Variants in HS3ST4 observed in about 807,000 individuals in gnomAD.
HS3ST4 encodes the protein heparan sulfate glucosamine 3-O-sulfotransferase 4.
In HS3ST4, 17 loss-of-function variants were observed where a neutral mutation model predicts 29.2. That is an observed-to-expected ratio of 0.58 (90% CI 0.40 to 0.87). The LOEUF is 0.87. HS3ST4 is among the 40% of genes least tolerant of loss of function. The pLI is 0.00. For missense variants in HS3ST4, 627 were observed against 634.5 expected, an observed-to-expected ratio of 0.99 and a Z score of 0.13; for synonymous variants, 314 against 285.7, an observed-to-expected ratio of 1.10 and a Z score of -1.00.
chr16:25,729,312 T>G (rs527511825), intron 1 of HS3ST4, among the ~76,000 whole-genome samples: 11 of 152,176 alleles, frequency 7.2e-5, no homozygotes, highest in Non-Finnish European at 1.3e-4. Context: ...TGTGGTTTCC[T>G]GCATTGGCCA....
At chr16:25,802,630 G>A (rs1360453386) in intron 1 of HS3ST4, among the ~76,000 whole-genome samples, 1 of 152,046 alleles carries the variant, frequency 6.6e-6, no homozygotes, top group Non-Finnish European at 1.5e-5. Context: ...TGAAATCACT[G>A]TAGAATTTTA....
chr16:25,718,300 C>T (rs749392199), intron 1 of HS3ST4, among the ~76,000 whole-genome samples: 51 of 152,280 alleles, frequency 3.3e-4, no homozygotes, highest in Non-Finnish European at 6.0e-4. Flanking sequence ...TTGATGCAGG[C>T]AGTGGCTTAG....
chr16:25,993,808 G>C (rs1293753584), intron 1 of HS3ST4, among the ~76,000 whole-genome samples: 2 of 152,052 alleles, frequency 1.3e-5, no homozygotes, highest in African/African-American at 4.8e-5. Flanking sequence ...AAACTAAGTG[G>C]CTTAAATAGG....
At chr16:25,770,362 C>T (rs1966840278) in intron 1 of HS3ST4, among the ~76,000 whole-genome samples, 1 of 152,188 alleles carries the variant, frequency 6.6e-6, no homozygotes, top group Non-Finnish European at 1.5e-5. Context: ...ATGCTGGGCT[C>T]AGTGCCTTAC....
intron 1 of HS3ST4, among the ~76,000 whole-genome samples, chr16:25,763,321 C>A (rs1001230083): frequency 1.3e-5 from 2 of 152,064 alleles, no homozygotes; most frequent in Non-Finnish European, 2.9e-5. Context: ...GGAAAACAGC[C>A]CAGGCAGAAG....
At chr16:26,030,788 T>C (rs1247326866) in intron 1 of HS3ST4, among the ~76,000 whole-genome samples, 2 of 152,350 alleles carry the variant, frequency 1.3e-5, no homozygotes, top group Admixed American at 1.3e-4. Context: ...TTGAAATTCA[T>C]CTCTTCTACA....
At chr16:25,737,044 T>C (rs1418360835) in intron 1 of HS3ST4, among the ~76,000 whole-genome samples, 1 of 152,082 alleles carries the variant, frequency 6.6e-6, no homozygotes, top group Non-Finnish European at 1.5e-5. Flanking sequence ...GATGGGTTTT[T>C]TTTTTAACTT....
intron 1 of HS3ST4, among the ~76,000 whole-genome samples, chr16:25,914,676 T>G (rs1424699104): frequency 6.6e-6 from 1 of 151,582 alleles, no homozygotes; most frequent in African/African-American, 2.4e-5. Flanking sequence ...CTTTGTGTGC[T>G]TCTGTGTGTG....
intron 1 of HS3ST4, among the ~76,000 whole-genome samples, chr16:25,909,814 A>G (rs1968218004): frequency 1.3e-5 from 2 of 152,226 alleles, no homozygotes; most frequent in Non-Finnish European, 2.9e-5. Flanking sequence ...GGGTCAGTAC[A>G]GGCTCAGATA....
At chr16:25,750,937 T>C (rs1966715024) in intron 1 of HS3ST4, among the ~76,000 whole-genome samples, 1 of 152,180 alleles carries the variant, frequency 6.6e-6, no homozygotes, top group Non-Finnish European at 1.5e-5. Context: ...TCATTTAGAT[T>C]GTTGTTATGT....
At chr16:25,706,491 C>T (rs769904416) in intron 1 of HS3ST4, among the ~76,000 whole-genome samples, 8 of 152,020 alleles carry the variant, frequency 5.3e-5, no homozygotes, top group Non-Finnish European at 7.4e-5. Context: ...GTTTTAAGCC[C>T]GGCATGCATT....
chr16:25,912,869 G>A (rs1968254589), intron 1 of HS3ST4, among the ~76,000 whole-genome samples: 1 of 152,188 alleles, frequency 6.6e-6, no homozygotes, highest in Non-Finnish European at 1.5e-5. Flanking sequence ...AATACATTGG[G>A]TATCTGCTAT....
At chr16:25,821,171 C>T (rs1967151365) in intron 1 of HS3ST4, among the ~76,000 whole-genome samples, 1 of 151,506 alleles carries the variant, frequency 6.6e-6, no homozygotes, top group Non-Finnish European at 1.5e-5. Flanking sequence ...CATTCTCCTG[C>T]CTCAGCCTCC....
At chr16:25,784,818 A>G (rs1450931867) in intron 1 of HS3ST4, among the ~76,000 whole-genome samples, 3 of 152,242 alleles carry the variant, frequency 2.0e-5, no homozygotes, top group African/African-American at 7.2e-5. Context: ...AGGTGGCTAC[A>G]CTAAACAACA....
intron 1 of HS3ST4, among the ~76,000 whole-genome samples, chr16:25,763,628 C>A (rs1966801973): frequency 6.6e-6 from 1 of 152,092 alleles, no homozygotes; most frequent in African/African-American, 2.4e-5. Context: ...AGGGGAGAGA[C>A]ATGGAATATT....
rs1456186735 is a variant in HS3ST4 at position 25,987,614 on chromosome 16, C to T, written c.735-147998C>T. Among the ~76,000 whole-genome samples, 4 of 152,290 alleles carry T rather than the reference C, an allele frequency of 2.6e-5. No homozygotes were observed. The East Asian group carries it at 7.7e-4, about 30-fold the overall frequency. On this transcript the variant is annotated intron_variant, in intron 1 of 1. Transcript: ENST00000331351. ...ACATGCATTCCTGTCTTTTGAACTTCACCCTTGGGAGTCTAAGGGGACAGT... is the reference window on the plus strand; with the variant it reads ...ACATGCATTCCTGTCTTTTGAACTTTACCCTTGGGAGTCTAAGGGGACAGT...
intron 1 of HS3ST4, among the ~76,000 whole-genome samples, chr16:25,881,372 G>A (rs557306294): frequency 6.6e-6 from 1 of 152,234 alleles, no homozygotes; most frequent in South Asian, 2.1e-4. Flanking sequence ...TAAGGACATA[G>A]AACATTCCTA....
At chr16:25,893,190 ATGGCTGGGGC>A (rs1329177925) in intron 1 of HS3ST4, among the ~76,000 whole-genome samples, 3 of 152,170 alleles carry the variant, frequency 2.0e-5, no homozygotes, top group Non-Finnish European at 4.4e-5. Flanking sequence ...GGAGACTAGG[ATGGCTGGGGC>A]TTAGTGATCA....
At chr16:25,864,023 G>C (rs943365231) in intron 1 of HS3ST4, among the ~76,000 whole-genome samples, 10 of 152,116 alleles carry the variant, frequency 6.6e-5, no homozygotes, top group Non-Finnish European at 1.3e-4. Flanking sequence ...CCGCCTCTTC[G>C]CCTCTTCGCG....
Sources: gnomAD v4.1 joint callset for allele counts (sites outside exome capture counted in the v4.1 genomes callset) on GRCh38, gnomAD v4.1.1 for gene constraint, MANE v1.5 for transcripts, NCBI Gene and HGNC (gene_info 2026-07-23, HGNC 2026-07-21) for gene names.